Variants in C1orf185 observed in about 807,000 individuals in gnomAD.
C1orf185 encodes the protein uncharacterized protein C1orf185.
In C1orf185, 13 loss-of-function variants were observed where a neutral mutation model predicts 16.1. That is an observed-to-expected ratio of 0.81 (90% CI 0.53 to 1.28). The LOEUF (loss-of-function observed/expected upper bound fraction) is 1.28, where lower values mean the gene tolerates loss of function less well. Among genes scored for constraint, C1orf185 ranks in the 50% most tolerant of loss-of-function variants. The pLI is 0.00. For missense variants in C1orf185, 220 were observed against 225.2 expected, an observed-to-expected ratio of 0.98 and a Z score of 0.15; for synonymous variants, 80 against 76.9, an observed-to-expected ratio of 1.04 and a Z score of -0.21.
chr1:51,143,859 T>A (rs1212204622), intron 3 of C1orf185, among the ~76,000 whole-genome samples: 2 of 152,298 alleles, frequency 1.3e-5, no homozygotes, highest in South Asian at 4.1e-4. Flanking sequence ...GATGGGGTTT[T>A]ATTATGTTGC....
chr1:51,147,247 T>G (rs1208897978), intron 4 of C1orf185, among the ~76,000 whole-genome samples: 1 of 152,170 alleles, frequency 6.6e-6, no homozygotes, highest in Non-Finnish European at 1.5e-5. Context: ...CTAGCCTAAT[T>G]AGTCTTTTTC....
At chr1:51,145,435 T>A (rs1454332960) in intron 3 of C1orf185, among the ~76,000 whole-genome samples, 1 of 152,186 alleles carries the variant, frequency 6.6e-6, no homozygotes, top group African/African-American at 2.4e-5. Context: ...TTTAGCATTC[T>A]CTAGTTCTGA....
intron 3 of C1orf185, among the ~76,000 whole-genome samples, chr1:51,121,449 CCTT>C (rs1235798565): frequency 6.6e-6 from 1 of 152,054 alleles, no homozygotes; most frequent in Non-Finnish European, 1.5e-5. Context: ...GACAAAGTTT[CCTT>C]CTTTTTTAAG....
chr1:51,108,782 G>A (rs533252751), intron 1 of C1orf185, among the ~76,000 whole-genome samples: 4 of 152,236 alleles, frequency 2.6e-5, no homozygotes, highest in Non-Finnish European at 4.4e-5. Flanking sequence ...ACTCCATTGT[G>A]TATATATACC....
chr1:51,132,044 C>A (rs1009402947), intron 3 of C1orf185, among the ~76,000 whole-genome samples: 1 of 152,138 alleles, frequency 6.6e-6, no homozygotes, highest in Non-Finnish European at 1.5e-5. Flanking sequence ...TTGGCTGAAT[C>A]CACCTTATAC....
intron 3 of C1orf185, among the ~76,000 whole-genome samples, chr1:51,134,361 AGCACTAAAT>A (rs1389024452): frequency 6.6e-6 from 1 of 152,190 alleles, no homozygotes; most frequent in East Asian, 1.9e-4. Context: ...AGAAACATAT[AGCACTAAAT>A]GCCCACATCA....
downstream of C1orf185, among the ~76,000 whole-genome samples, chr1:51,148,999 C>T (rs1646417768): frequency 2.0e-5 from 3 of 152,178 alleles, no homozygotes; most frequent in Admixed American, 1.3e-4. Context: ...GTTCCTCACC[C>T]TCACTCTACT....
chr1:51,102,260 C>T lies in C1orf185; in HGVS notation c.16+11C>T, dbSNP rs1646037247. ...TGGCTTCACCTAAAGGTATGAGAAGCTGGGTCATGTAGTCTAGCTTTTTGC... is the reference window on the plus strand; with the variant it reads ...TGGCTTCACCTAAAGGTATGAGAAGTTGGGTCATGTAGTCTAGCTTTTTGC... On this transcript the variant is annotated intron_variant, in intron 1 of 4. Coordinates refer to ENST00000371759, the MANE Select transcript of C1orf185 (RefSeq NM_001136508.2). 1.4e-6 allele frequency: 1 copy of T among 714,874 alleles called. No individual in the cohort carries two copies. Among genetic ancestry groups the T allele is most frequent in the African/African-American group, 1.7e-5 (1 of 57,150 alleles). The allele number at this position is 714,874 out of a possible 1,614,324, so 44.3% of individuals were successfully genotyped here.
At chr1:51,116,973 A>C (rs1311421708) in intron 2 of C1orf185, among the ~76,000 whole-genome samples, 2 of 152,134 alleles carry the variant, frequency 1.3e-5, no homozygotes, top group Non-Finnish European at 2.9e-5. Flanking sequence ...TTACATCCAC[A>C]ATACCAGGTA....
chr1:51,112,443 T>C (rs1471805885), intron 1 of C1orf185, 21 bp from the exon 2 acceptor site: 3 of 1,500,932 alleles, frequency 2.0e-6, no homozygotes, highest in Admixed American at 2.2e-5. Flanking sequence ...TGAAATAATC[T>C]TTTGTAATTT....
downstream of C1orf185, among the ~76,000 whole-genome samples, chr1:51,148,244 C>G (rs1215716922): frequency 6.6e-6 from 1 of 152,136 alleles, no homozygotes; most frequent in African/African-American, 2.4e-5. Context: ...CTGCTTCAGC[C>G]TCCTGAGTAG....
At chr1:51,114,186 G>A (rs1646142087) in intron 2 of C1orf185, among the ~76,000 whole-genome samples, 1 of 152,212 alleles carries the variant, frequency 6.6e-6, no homozygotes, top group African/African-American at 2.4e-5. Context: ...TCTGCAGTGA[G>A]AAAGGGAAAC....
At chr1:51,122,490 A>G (rs1179573363) in intron 3 of C1orf185, among the ~76,000 whole-genome samples, 1 of 152,216 alleles carries the variant, frequency 6.6e-6, no homozygotes, top group African/African-American at 2.4e-5. Context: ...CAGAAAGTAC[A>G]GAGTCCCACT....
intron 1 of C1orf185, among the ~76,000 whole-genome samples, chr1:51,106,646 C>T (rs1646074255): frequency 6.6e-6 from 1 of 151,846 alleles, no homozygotes; most frequent in African/African-American, 2.4e-5. Flanking sequence ...CAGGCCTTGC[C>T]TCCAATACAT....
chr1:51,106,862 A>ACTC (rs1221944498), intron 1 of C1orf185, among the ~76,000 whole-genome samples: 2 of 149,542 alleles, frequency 1.3e-5, no homozygotes, highest in Admixed American at 1.3e-4. Flanking sequence ...GGTTCAAGCG[A>ACTC]CTCCCCTGCC....
intron 1 of C1orf185, among the ~76,000 whole-genome samples, chr1:51,111,811 C>G (rs1570290920): frequency 6.6e-6 from 1 of 152,288 alleles, no homozygotes; most frequent in Middle Eastern, 3.4e-3. Context: ...TGAGCCACGG[C>G]GCCCTGCCCC....
chr1:51,113,454 C>T (rs1255391599), intron 2 of C1orf185, among the ~76,000 whole-genome samples: 7 of 151,902 alleles, frequency 4.6e-5, no homozygotes, highest in Non-Finnish European at 8.8e-5. Flanking sequence ...GAGGCCAAAG[C>T]GGACGGATCA....
At chr1:51,120,376 C>T (rs1435285894) in intron 3 of C1orf185, among the ~76,000 whole-genome samples, 1 of 150,818 alleles carries the variant, frequency 6.6e-6, no homozygotes, top group Non-Finnish European at 1.5e-5. Context: ...TACTTAACTT[C>T]TCTGTGTCTC....
intron 3 of C1orf185, among the ~76,000 whole-genome samples, chr1:51,138,883 T>C (rs1025532766): frequency 6.6e-6 from 1 of 152,056 alleles, no homozygotes; most frequent in African/African-American, 2.4e-5. Flanking sequence ...AGGTGGGGTT[T>C]CACCATGTTG....
Sources: gnomAD v4.1 joint callset for allele counts (sites outside exome capture counted in the v4.1 genomes callset) on GRCh38, gnomAD v4.1.1 for gene constraint, MANE v1.5 for transcripts, NCBI Gene and HGNC (gene_info 2026-07-23, HGNC 2026-07-21) for gene names.